The following BMPR1B variants were observed in gnomAD, a reference collection of about 807,000 sequenced individuals.
BMPR1B encodes bone morphogenetic protein receptor type-1B.
A neutral mutation model predicts 59.1 loss-of-function variants in BMPR1B; 12 were observed. That is an observed-to-expected ratio of 0.20 (90% confidence interval 0.13 to 0.33). BMPR1B has a LOEUF of 0.33. Among genes scored for constraint, BMPR1B ranks in the 10% least tolerant of loss-of-function variants. BMPR1B has a pLI of 1.00. For synonymous variants in BMPR1B, 237 were observed against 207.3 expected, an observed-to-expected ratio of 1.14 and a Z score of -1.23; for missense variants, 550 against 610.9, an observed-to-expected ratio of 0.90 and a Z score of 1.05.
intron 6 of BMPR1B, among the ~76,000 whole-genome samples, chr4:95,117,309 A>T (rs1446466252): frequency 6.6e-6 from 1 of 152,234 alleles, no homozygotes; most frequent in Non-Finnish European, 1.5e-5. Flanking sequence ...AACTTTAAAG[A>T]TAAGGAAAAC....
chr4:95,126,657 T>A (rs57903047), intron 8 of BMPR1B, among the ~76,000 whole-genome samples: 5,842 of 152,206 alleles, frequency 0.038, 175 homozygotes, highest in Middle Eastern at 0.099. Context: ...AAATGTTGGT[T>A]AAATAAAACA....
At chr4:95,026,012 G>C (rs971478170) in intron 3 of BMPR1B, among the ~76,000 whole-genome samples, 1 of 152,168 alleles carries the variant, frequency 6.6e-6, no homozygotes, top group African/African-American at 2.4e-5. Flanking sequence ...CTGAGGGTAC[G>C]TCAGGCCTCC....
intron 3 of BMPR1B, among the ~76,000 whole-genome samples, chr4:94,997,772 T>C (rs891628131): frequency 6.6e-6 from 1 of 152,212 alleles, no homozygotes; most frequent in Non-Finnish European, 1.5e-5. Flanking sequence ...AGTTCATCAA[T>C]CAATTTTTAT....
At chr4:95,005,174 G>A (rs1254098730) in intron 3 of BMPR1B, among the ~76,000 whole-genome samples, 1 of 152,090 alleles carries the variant, frequency 6.6e-6, no homozygotes, top group African/African-American at 2.4e-5. Flanking sequence ...AAGGAAATGT[G>A]ATATTTGTGC....
intron 3 of BMPR1B, among the ~76,000 whole-genome samples, chr4:95,078,750 T>C (rs1210158145): frequency 6.6e-6 from 1 of 152,138 alleles, no homozygotes; most frequent in Non-Finnish European, 1.5e-5. Context: ...AATCTGTATT[T>C]CTTTCTTTTT....
At chr4:94,931,297 T>C (rs1729083552) in intron 2 of BMPR1B, among the ~76,000 whole-genome samples, 1 of 152,146 alleles carries the variant, frequency 6.6e-6, no homozygotes, top group South Asian at 2.1e-4. Context: ...GAGCAAAATA[T>C]TGTCAAAAAA....
intron 12 of BMPR1B, 111 bp from the exon 13 acceptor site, chr4:95,154,437 G>C (rs1321883569): frequency 6.8e-7 from 1 of 1,468,862 alleles, no homozygotes; most frequent in Non-Finnish European, 9.4e-7. Flanking sequence ...TGGTTTTAAG[G>C]GTACCTTTTA....
chr4:95,123,483 TG>T (rs1206900882), intron 6 of BMPR1B, among the ~76,000 whole-genome samples: 1 of 152,160 alleles, frequency 6.6e-6, no homozygotes, highest in Admixed American at 6.5e-5. Context: ...GTAATAAAGA[TG>T]AACTACCTGT....
intron 3 of BMPR1B, among the ~76,000 whole-genome samples, chr4:95,039,750 T>C (rs1189891473): frequency 2.6e-5 from 4 of 152,124 alleles, no homozygotes; most frequent in African/African-American, 9.7e-5. Context: ...TCTTAAAACA[T>C]TATGAGATTT....
At chr4:95,007,522 A>G (rs1188289867) in intron 3 of BMPR1B, among the ~76,000 whole-genome samples, 2 of 152,196 alleles carry the variant, frequency 1.3e-5, no homozygotes, top group East Asian at 1.9e-4. Flanking sequence ...TTTAGAAATT[A>G]TCTGTTGACT....
chr4:94,798,543 A>G (rs934074773), intron 1 of BMPR1B, among the ~76,000 whole-genome samples: 2 of 152,126 alleles, frequency 1.3e-5, no homozygotes, highest in East Asian at 1.9e-4. Flanking sequence ...CCTCTTAACA[A>G]CCATTTCCTT....
At position 95,114,783 on chromosome 4, in the gene BMPR1B, T is replaced by C; in HGVS notation, c.207T>C (p.Ser69=). 6.2e-7 allele frequency: 1 copy of C among 1,613,780 alleles called. No homozygotes were observed. Among genetic ancestry groups the C allele is most frequent in the Non-Finnish European group, 8.5e-7 (1 of 1,179,736 alleles). Residue 69 remains serine (S), a synonymous_variant, in exon 5 of 13, where the codon TCT becomes TCC. Transcript: ENST00000515059. ...EDDSGLPVVT[S]GCLGLEGSDF... ...ACTCTGGGTTGCCTGTGGTCACTTC[T>C]GGTTGCCTAGGACTAGAAGGCTCAG...
chr4:95,130,731 T>C (rs540815943), intron 9 of BMPR1B, among the ~76,000 whole-genome samples: 1,803 of 136,508 alleles, frequency 0.013, 7 homozygotes, highest in Middle Eastern at 0.043. Context: ...TTCTTTTTTT[T>C]TTTTTTTTTT....
At chr4:95,104,907 A>AT (rs1233533225) in intron 4 of BMPR1B, among the ~76,000 whole-genome samples, 1 of 140,408 alleles carries the variant, frequency 7.1e-6, no homozygotes, top group African/African-American at 2.7e-5. Flanking sequence ...AATGCGTGTG[A>AT]TTTTGTTTGT....
chr4:95,126,686 C>T (rs932131450), intron 8 of BMPR1B, among the ~76,000 whole-genome samples: 4 of 151,880 alleles, frequency 2.6e-5, no homozygotes, highest in African/African-American at 7.3e-5. Context: ...CATTTGATGG[C>T]GGTAGGATGG....
intron 3 of BMPR1B, among the ~76,000 whole-genome samples, chr4:95,073,572 A>G (rs1206013320): frequency 5.3e-5 from 8 of 152,130 alleles, no homozygotes; most frequent in Admixed American, 5.2e-4. Context: ...GATCCTTCAG[A>G]ATTGGATGAG....
At chr4:95,085,989 CTGTG>C (rs3068102) in intron 3 of BMPR1B, among the ~76,000 whole-genome samples, 356 of 149,752 alleles carry the variant, frequency 2.4e-3, no homozygotes, top group African/African-American at 7.6e-3. Flanking sequence ...GTGTGTGTAC[CTGTG>C]TGTGTGTGTG....
chr4:94,950,301 A>G (rs1388711256), intron 2 of BMPR1B, among the ~76,000 whole-genome samples: 1 of 150,632 alleles, frequency 6.6e-6, no homozygotes, highest in Non-Finnish European at 1.5e-5. Context: ...ATTAGATCCC[A>G]TTTGTCAATG....
At chr4:94,832,053 A>G (rs559620240) in intron 1 of BMPR1B, among the ~76,000 whole-genome samples, 5 of 149,678 alleles carry the variant, frequency 3.3e-5, no homozygotes, top group East Asian at 1.9e-4. Context: ...ATGTATTACA[A>G]TGTAATATTA....
Sources: gnomAD v4.1 joint callset for allele counts (sites outside exome capture counted in the v4.1 genomes callset) on GRCh38, gnomAD v4.1.1 for gene constraint, MANE v1.5 for transcripts, NCBI Gene and HGNC (gene_info 2026-07-23, HGNC 2026-07-21) for gene names.